The following FKBP9 variants were observed in gnomAD, a reference collection of about 807,000 sequenced individuals.
FKBP9 encodes the protein FKBP prolyl isomerase 9.
A neutral mutation model predicts 55.6 loss-of-function variants in FKBP9; 27 were observed. That is an observed-to-expected ratio of 0.49 (90% CI 0.36 to 0.67). FKBP9 has a LOEUF of 0.67. FKBP9 is among the 30% of genes least tolerant of loss of function. The pLI is 0.00. For missense variants in FKBP9, 539 were observed against 742.8 expected (o/e 0.73, Z 3.19); for synonymous variants, 267 against 296.5 (o/e 0.90, Z 1.02).
Position 32,957,479 on chromosome 7 carries a change from A to T in FKBP9, c.-95A>T. The T allele has an allele frequency of 2.1e-6, 2 of 951,296 alleles. No homozygotes were observed. Among genetic ancestry groups the T allele is most frequent in the Non-Finnish European group, 2.8e-6 (2 of 705,432 alleles). 58.9% of individuals were successfully genotyped at this position (951,296 alleles called of 1,614,324 possible). On this transcript the variant is annotated 5_prime_UTR_variant, in exon 1 of 10. Transcript: ENST00000242209. Reference sequence around the variant, plus strand: ...GCTGCAGCCCGGGTAGGGCCAGGAGACCCGGTCCACGTTTGCAAACGCAGC... The same window carrying T: ...GCTGCAGCCCGGGTAGGGCCAGGAGTCCCGGTCCACGTTTGCAAACGCAGC...
intron 4 of FKBP9, chr7:32,979,350 A>C: frequency 4.8e-6 from 3 of 627,592 alleles, no homozygotes; most frequent in Non-Finnish European, 8.6e-6. Context: ...GAAAAGATAC[A>C]GTAAGGCACA....
chr7:33,005,144 T>A, intron 9 of FKBP9, 31 bp from the exon 10 acceptor site: 1 of 1,605,056 alleles, frequency 6.2e-7, no homozygotes, highest in Non-Finnish European at 8.5e-7. Flanking sequence ...GCGGCTGAAC[T>A]CATGGTCTTT....
In FKBP9 at chr7:32,988,487, T is replaced by C; in HGVS notation, c.894-20T>C. On this transcript the variant is annotated intron_variant, in intron 5 of 9. Coordinates refer to ENST00000242209, the MANE Select transcript of FKBP9 (RefSeq NM_007270.5). ...GAGGCCCTCATGAATGACCTCTTTC[T>C]TTCCTTTCTTCTTTTCTAGCTACTC... is the stretch of plus-strand genomic sequence containing the variant. 1 of 1,613,672 alleles carries C rather than the reference T, an allele frequency of 6.2e-7. No homozygotes were observed. Among genetic ancestry groups the C allele is most frequent in the East Asian group, 2.2e-5 (1 of 44,884 alleles).
chr7:32,978,391 C>A (rs1784406204), intron 4 of FKBP9, among the ~76,000 whole-genome samples: 1 of 152,068 alleles, frequency 6.6e-6, no homozygotes, highest in South Asian at 2.1e-4. Flanking sequence ...TTTTTAGAGA[C>A]AGGGTCTCAC....
rs747992780 is a variant in FKBP9, at chr7:32,988,533, C to G, written c.920C>G (p.Thr307Arg). The change falls in exon 6 of 10, where the codon ACG (threonine) becomes AGG (arginine). Residue 307 changes from threonine to arginine, a missense_variant. Physicochemically the swap from Thr to Arg is moderately conservative, Grantham distance 71 (BLOSUM62 -1). This residue lies in a region of FKBP9 where 172 missense variants were observed against 205.3 expected (regional missense o/e 0.84). Transcript: ENST00000242209. Reference sequence around the variant, plus strand: ...TACTCTCGGAACCGCACGTTTGACACGTACATTGGGCAGGGCTACGTGATT... The same window carrying G: ...TACTCTCGGAACCGCACGTTTGACAGGTACATTGGGCAGGGCTACGTGATT... ...SSYSRNRTFD[T>R]YIGQGYVIPG... 4 of 1,613,850 alleles carry G rather than the reference C, an allele frequency of 2.5e-6. No individual in the cohort carries two copies. The highest frequency in any genetic ancestry group is 2.5e-6 in the Non-Finnish European group (3 of 1,179,820).
At chr7:32,986,468 A>G (rs1784579148) in intron 5 of FKBP9, among the ~76,000 whole-genome samples, 1 of 152,178 alleles carries the variant, frequency 6.6e-6, no homozygotes, top group Non-Finnish European at 1.5e-5. Flanking sequence ...TGGCTGAAGG[A>G]TGCTGGGAGC....
chr7:32,979,723 A>G, intron 4 of FKBP9: 2 of 710,470 alleles, frequency 2.8e-6, no homozygotes, highest in East Asian at 2.7e-5. Context: ...CATTTTGCAG[A>G]TATTCAAAAT....
At chr7:32,979,545 G>C (rs1350011318) in intron 4 of FKBP9, 6 of 1,550,604 alleles carry the variant, frequency 3.9e-6, no homozygotes, top group Admixed American at 2.0e-5. Flanking sequence ...TGGTTTGCTT[G>C]TCTGGGCCTA....
intron 6 of FKBP9, among the ~76,000 whole-genome samples, chr7:32,990,766 T>A (rs1784664457): frequency 6.6e-6 from 1 of 152,242 alleles, no homozygotes; most frequent in African/African-American, 2.4e-5. Context: ...CTTTTGCTGA[T>A]GGAGGCTGGC....
At position 32,996,692 on chromosome 7, in the gene FKBP9, CTTTCTTTCT is replaced by C. The variant is rs1190970002; in HGVS notation, c.1226+344_1226+352del. On this transcript the variant is annotated intron_variant, in intron 7 of 9. Transcript: ENST00000242209. ...TCCCTCCCTCCCTTCCTCTTCTTTC[CTTTCTTTCT>C]CTTTCTCTCTTTCTCTCTTTTTTTC... is the stretch of plus-strand genomic sequence containing the variant. Among the ~76,000 whole-genome samples the C allele has an allele frequency of 4.6e-4, 59 of 128,980 alleles. 1 individual carries two copies. The highest frequency in any genetic ancestry group is 1.7e-3 in the African/African-American group (57 of 34,284). The allele number at this position is 128,980 out of a possible 152,430, so 84.6% of individuals were successfully genotyped here. A position where few individuals can be genotyped will look rare whatever the true frequency, so the allele number is the denominator to read the frequency against.
chr7:32,965,019 GC>G (rs1784105257), intron 1 of FKBP9, among the ~76,000 whole-genome samples: 1 of 152,258 alleles, frequency 6.6e-6, no homozygotes. Flanking sequence ...ATCTGAGTTG[GC>G]CCAAGTGAGA....
intron 4 of FKBP9, among the ~76,000 whole-genome samples, chr7:32,977,828 C>T (rs12536511): frequency 0.13 from 18,555 of 141,318 alleles, 1,622 homozygotes; most frequent in Admixed American, 0.29. Context: ...TATATATACA[C>T]GCCCATATAT....
At position 32,985,929 on chromosome 7, in the gene FKBP9, G is replaced by T. The variant is rs764503067; in HGVS notation, c.894-2578G>T. On this transcript the variant is annotated intron_variant, in intron 5 of 9. Coordinates refer to ENST00000242209, the MANE Select transcript of FKBP9 (RefSeq NM_007270.5). Reference sequence around the variant, plus strand: ...AATCGCTTGAACCCAGGAGACAGAGGTTGCAGTGAGCCGAGATCTTACCAT... The same window carrying T: ...AATCGCTTGAACCCAGGAGACAGAGTTTGCAGTGAGCCGAGATCTTACCAT... Among the ~76,000 whole-genome samples the T allele has an allele frequency of 2.0e-5, 3 of 152,232 alleles. No individual in the cohort carries two copies. In the South Asian group the frequency reaches 6.2e-4, roughly 32 times the overall value.
chr7:32,974,617 C>G lies in FKBP9; in HGVS notation c.222C>G (p.Ser74Arg), dbSNP rs1476120474. 9 of 1,613,028 alleles carry G rather than the reference C, an allele frequency of 5.6e-6. No individual in the cohort carries two copies. The highest frequency in any genetic ancestry group is 7.6e-6 in the Non-Finnish European group (9 of 1,179,306). Reference sequence around the variant, plus strand: ...CTTTCCCTACCCTTTGGGCCTTCAGCTATGACAGAGACTCCACTTTCAATG... The same window carrying G: ...CTTTCCCTACCCTTTGGGCCTTCAGGTATGACAGAGACTCCACTTTCAATG... ...TFPDGQKFDSSYDRDSTFNVF... is the reference protein window; with the variant it reads ...TFPDGQKFDSRYDRDSTFNVF... Residue 74 changes from serine (S) to arginine (R), a missense_variant and splice_region_variant, in exon 2 of 10, where the codon AGC becomes AGG. By Grantham distance (110) the Ser-to-Arg change is moderately radical. Transcript: ENST00000242209.
At chr7:32,973,272 T>A (rs1784287339) in intron 1 of FKBP9, among the ~76,000 whole-genome samples, 3 of 152,078 alleles carry the variant, frequency 2.0e-5, no homozygotes. Flanking sequence ...AAGGTGTGAG[T>A]CACAGCCATG....
At chr7:32,973,423 G>A (rs1294803243) in intron 1 of FKBP9, among the ~76,000 whole-genome samples, 1 of 151,966 alleles carries the variant, frequency 6.6e-6, no homozygotes, top group Non-Finnish European at 1.5e-5. Flanking sequence ...GGTTTTCAGA[G>A]CATTTTTCAC....
At chr7:32,958,619 C>T (rs139884724) in intron 1 of FKBP9, among the ~76,000 whole-genome samples, 278 of 152,006 alleles carry the variant, frequency 1.8e-3, no homozygotes, top group African/African-American at 6.4e-3. Context: ...TATGATCGTG[C>T]CATTGCACTG....
At chr7:32,978,660 T>G (rs1178298378) in intron 4 of FKBP9, among the ~76,000 whole-genome samples, 1 of 152,190 alleles carries the variant, frequency 6.6e-6, no homozygotes, top group East Asian at 1.9e-4. Context: ...GCCTGGCAGT[T>G]ACTGTTTTCT....
chr7:32,964,846 G>A (rs1199366896), intron 1 of FKBP9, among the ~76,000 whole-genome samples: 1 of 152,222 alleles, frequency 6.6e-6, no homozygotes, highest in African/African-American at 2.4e-5. Flanking sequence ...CTGCTTTCAA[G>A]TCTGCAGTAA....
Sources: allele counts gnomAD v4.1 joint callset (sites outside exome capture counted in the v4.1 genomes callset), GRCh38; gene constraint gnomAD v4.1.1; regional missense constraint gnomAD v4.1.1; transcripts MANE v1.5; gene names NCBI Gene and HGNC (gene_info 2026-07-23, HGNC 2026-07-21).